SYT16: variants seen among roughly 807,000 people sequenced by gnomAD.
SYT16 encodes the protein synaptotagmin-16.
A neutral mutation model predicts 61.4 loss-of-function variants in SYT16; 42 were observed. That is an observed-to-expected ratio of 0.68 (90% CI 0.53 to 0.89). The LOEUF is 0.89. Among genes scored for constraint, SYT16 ranks in the 40% least tolerant of loss-of-function variants. SYT16 has a pLI of 0.00. For missense variants in SYT16, 804 were observed against 807.3 expected (o/e 1.00, Z 0.05); for synonymous variants, 314 against 302.3 (o/e 1.04, Z -0.40).
Position 61,914,648 on chromosome 14 carries a change from G to A in SYT16, c.-324-55484G>A, listed in dbSNP as rs112230310. ...GTTATCTTTGACTCATTTTCTTCAT[G>A]CTTTATATCCAGTCTATCTATCAGT... On this transcript the variant is annotated intron_variant, in intron 1 of 7. Coordinates refer to ENST00000683842, the MANE Select transcript of SYT16 (RefSeq NM_001367656.1). 1.7e-4 allele frequency among the ~76,000 whole-genome samples: 26 copies of A among 152,210 alleles called. 1 individual carries two copies. Among genetic ancestry groups the A allele is most frequent in the Middle Eastern group, 3.4e-3 (1 of 294 alleles).
At chr14:61,998,753 A>C (rs926302722) in intron 3 of SYT16, among the ~76,000 whole-genome samples, 4 of 151,940 alleles carry the variant, frequency 2.6e-5, no homozygotes, top group African/African-American at 9.7e-5. Context: ...AACAGTGTTA[A>C]ATCTTTCAGT....
chr14:61,829,219 GA>G (rs1189748801), intron 1 of SYT16, among the ~76,000 whole-genome samples: 1 of 151,624 alleles, frequency 6.6e-6, no homozygotes, highest in Non-Finnish European at 1.5e-5. Flanking sequence ...TATCACAAAA[GA>G]AAAAGTGCCA....
chr14:61,904,259 C>A (rs535139605), intron 1 of SYT16, among the ~76,000 whole-genome samples: 32 of 152,294 alleles, frequency 2.1e-4, no homozygotes, highest in African/African-American at 7.7e-4. Flanking sequence ...CTGAGGAAGT[C>A]AAAATTTGCT....
Position 62,100,484 on chromosome 14 carries a change from T to A in SYT16, c.1715T>A (p.Val572Asp). 6.2e-7 allele frequency: 1 copy of A among 1,613,640 alleles called. No homozygotes were observed. Among genetic ancestry groups the A allele is most frequent in the Non-Finnish European group, 8.5e-7 (1 of 1,179,752 alleles). ...ATTCGGCGTGGTCAGCCCAATCCTG[T>A]CTATAAGGAGACCTTTGTTTTCCAG... ...TSIRRGQPNPVYKETFVFQVA... is the reference protein window; with the variant it reads ...TSIRRGQPNPDYKETFVFQVA... The change falls in exon 8 of 8, where the codon GTC becomes GAC. Residue 572 changes from valine (V) to aspartate (D), a missense_variant. Transcript: ENST00000683842.
chr14:61,912,261 G>C lies in SYT16; in HGVS notation c.-324-57871G>C, dbSNP rs576103173. On this transcript the variant is annotated intron_variant, in intron 1 of 7. Transcript: ENST00000683842. ...GAAACAGAATTATGCATGAAAAAGG[G>C]GGAACACGTGGGCTTCTTTAAAAAA... 3.9e-4 allele frequency among the ~76,000 whole-genome samples: 59 copies of C among 152,250 alleles called. 1 individual carries two copies. The highest frequency in any genetic ancestry group is 1.3e-3 in the African/African-American group (56 of 41,554).
At chr14:61,980,824 T>C (rs2052037223) in intron 2 of SYT16, among the ~76,000 whole-genome samples, 1 of 152,112 alleles carries the variant, frequency 6.6e-6, no homozygotes, top group Non-Finnish European at 1.5e-5. Flanking sequence ...GACAGGGAGA[T>C]GTACTTTAGA....
chr14:62,010,820 A>C lies in SYT16; in HGVS notation c.523+14278A>C, dbSNP rs1189681958. Among the ~76,000 whole-genome samples, 2 of 152,106 alleles carry C rather than the reference A, an allele frequency of 1.3e-5. 1 individual carries two copies. Among genetic ancestry groups the C allele is most frequent in the East Asian group, 3.9e-4 (2 of 5,188 alleles). On this transcript the variant is annotated intron_variant, in intron 3 of 7. Coordinates refer to ENST00000683842, the MANE Select transcript of SYT16 (RefSeq NM_001367656.1). ...ATATCAGAGCCTATTTCAAAACCAAAATAAGAACTTTAGGTTTTTCTGGGA... is the reference window on the plus strand; with the variant it reads ...ATATCAGAGCCTATTTCAAAACCAACATAAGAACTTTAGGTTTTTCTGGGA...
At chr14:62,049,320 A>AT (rs1191837164) in intron 3 of SYT16, among the ~76,000 whole-genome samples, 1 of 151,620 alleles carries the variant, frequency 6.6e-6, no homozygotes, top group Non-Finnish European at 1.5e-5. Context: ...TTTGTTTTCC[A>AT]TTTGCTTGGT....
intron 3 of SYT16, among the ~76,000 whole-genome samples, chr14:62,006,100 A>G (rs1282485139): frequency 6.6e-6 from 1 of 152,092 alleles, no homozygotes; most frequent in Non-Finnish European, 1.5e-5. Flanking sequence ...TCTTTCTTCA[A>G]AATATTTAAA....
At chr14:62,082,446 C>G (rs1016643006) in intron 6 of SYT16, among the ~76,000 whole-genome samples, 1 of 152,184 alleles carries the variant, frequency 6.6e-6, no homozygotes, top group Non-Finnish European at 1.5e-5. Context: ...TCATCTGTGA[C>G]TTTTCTGTTT....
At chr14:62,023,440 G>A (rs2053985693) in intron 3 of SYT16, among the ~76,000 whole-genome samples, 1 of 152,100 alleles carries the variant, frequency 6.6e-6, no homozygotes, top group African/African-American at 2.4e-5. Context: ...GCCAGCTTAG[G>A]AATTGGCCAA....
intron 3 of SYT16, among the ~76,000 whole-genome samples, chr14:62,046,532 C>T (rs1465984290): frequency 6.6e-6 from 1 of 152,080 alleles, no homozygotes; most frequent in Admixed American, 6.5e-5. Flanking sequence ...CTTGCCCATG[C>T]CTATGTCCTG....
chr14:61,813,016 C>G (rs910608174), intron 1 of SYT16, among the ~76,000 whole-genome samples: 5 of 152,242 alleles, frequency 3.3e-5, no homozygotes, highest in African/African-American at 4.8e-5. Context: ...GGCAGAAGGG[C>G]GTGCGCCTGG....
intron 3 of SYT16, among the ~76,000 whole-genome samples, chr14:62,036,489 A>G (rs922506572): frequency 1.3e-5 from 2 of 152,146 alleles, no homozygotes; most frequent in Non-Finnish European, 2.9e-5. Context: ...TTGCAGAGAC[A>G]GCATATGGAC....
At chr14:61,970,091 C>T (rs1331594867) in intron 1 of SYT16, 41 bp from the exon 2 acceptor site, 1 of 152,172 alleles carries the variant, frequency 6.6e-6, no homozygotes, top group Non-Finnish European at 1.5e-5. Context: ...TTAGGTCATT[C>T]TCATTGTGAT....
chr14:61,996,921 G>A (rs955228574), intron 3 of SYT16, among the ~76,000 whole-genome samples: 4 of 151,998 alleles, frequency 2.6e-5, no homozygotes, highest in Admixed American at 6.6e-5. Flanking sequence ...GTGAAATCCT[G>A]TGCAAAAAGC....
chr14:61,860,676 G>A (rs1368979464), intron 1 of SYT16, among the ~76,000 whole-genome samples: 1 of 152,224 alleles, frequency 6.6e-6, no homozygotes, highest in South Asian at 2.1e-4. Context: ...GAGGCACTGG[G>A]CCAAGAGAAT....
intron 7 of SYT16, among the ~76,000 whole-genome samples, chr14:62,087,457 T>C (rs576924187): frequency 7.2e-5 from 11 of 152,196 alleles, no homozygotes; most frequent in Non-Finnish European, 1.3e-4. Flanking sequence ...CAGTTACCTC[T>C]TCCGTGACCT....
At chr14:62,004,454 C>G (rs2053144922) in intron 3 of SYT16, among the ~76,000 whole-genome samples, 1 of 152,010 alleles carries the variant, frequency 6.6e-6, no homozygotes, top group Non-Finnish European at 1.5e-5. Context: ...CAGAGGGAAA[C>G]CGTATAATCC....
Sources: gnomAD v4.1 joint callset for allele counts (sites outside exome capture counted in the v4.1 genomes callset) on GRCh38, gnomAD v4.1.1 for gene constraint, MANE v1.5 for transcripts, NCBI Gene and HGNC (gene_info 2026-07-23, HGNC 2026-07-21) for gene names.